The following LMCD1 variants were observed in gnomAD, a reference collection of about 807,000 sequenced individuals.
LMCD1 encodes LIM and cysteine-rich domains protein 1.
In LMCD1, 32 loss-of-function variants were observed where a neutral mutation model predicts 42.7. The ratio of observed to expected loss-of-function variants is 0.75; its 90% CI spans 0.57 to 1.01. The LOEUF is 1.01. Among genes scored for constraint, LMCD1 ranks in the 50% least tolerant of loss-of-function variants. The pLI is 0.00. For synonymous variants in LMCD1, 178 were observed against 184.9 expected (o/e 0.96, Z 0.30); for missense variants, 458 against 483.1 (o/e 0.95, Z 0.49).
At chr3:8,507,624 C>T (rs954438442) in intron 1 of LMCD1, among the ~76,000 whole-genome samples, 39 of 152,268 alleles carry the variant, frequency 2.6e-4, no homozygotes, top group African/African-American at 8.2e-4. Context: ...TCTAAGGGTC[C>T]GGAGATGATT....
rs1395346816 is a variant in LMCD1, at chr3:8,565,375, A to G, written c.724-57A>G. The G allele has an allele frequency of 3.4e-6, 5 of 1,491,784 alleles. No homozygotes were observed. The Admixed American group carries it at 6.7e-5, about 20-fold the overall frequency. The allele number at this position is 1,491,784 out of a possible 1,614,324, so 92.4% of individuals were successfully genotyped here. On this transcript the variant is annotated intron_variant, in intron 4 of 5. Coordinates refer to ENST00000157600, the MANE Select transcript of LMCD1 (RefSeq NM_014583.4). ...AAGGCTGGAGCTGGAATTCGAACCCATGTCACTGTGCTCTCCTGACTTCCT... is the reference window on the plus strand; with the variant it reads ...AAGGCTGGAGCTGGAATTCGAACCCGTGTCACTGTGCTCTCCTGACTTCCT...
chr3:8,550,529 C>A (rs1480422615), intron 4 of LMCD1: 13 of 985,078 alleles, frequency 1.3e-5, no homozygotes, highest in Non-Finnish European at 1.6e-5. Context: ...CAAGCCCCAT[C>A]TTATTAGCAC....
intron 3 of LMCD1, among the ~76,000 whole-genome samples, chr3:8,539,259 GA>G (rs1391900103): frequency 6.6e-6 from 1 of 152,088 alleles, no homozygotes; most frequent in Non-Finnish European, 1.5e-5. Context: ...AAGAGACTAA[GA>G]TTTTTTTCTT....
chr3:8,507,136 C>T (rs1396469515), intron 1 of LMCD1, among the ~76,000 whole-genome samples: 1 of 152,214 alleles, frequency 6.6e-6, no homozygotes, highest in Admixed American at 6.5e-5. Context: ...AGGACTCCTT[C>T]AAGAGCACAA....
At chr3:8,550,214 G>A (rs890028974) in intron 4 of LMCD1, 17 of 1,224,020 alleles carry the variant, frequency 1.4e-5, no homozygotes, top group Admixed American at 6.9e-5. Flanking sequence ...GCTGGACCAC[G>A]TGGGTCTAGC....
intron 1 of LMCD1, among the ~76,000 whole-genome samples, chr3:8,516,725 G>T (rs1694108417): frequency 6.6e-6 from 1 of 152,168 alleles, no homozygotes; most frequent in Non-Finnish European, 1.5e-5. Context: ...AAATTGCTTT[G>T]TTGGTTGATA....
intron 4 of LMCD1, among the ~76,000 whole-genome samples, chr3:8,558,123 A>G (rs965297159): frequency 6.6e-6 from 1 of 152,214 alleles, no homozygotes; most frequent in African/African-American, 2.4e-5. Flanking sequence ...GCATAGCATC[A>G]CTTCATCCAT....
intron 1 of LMCD1, among the ~76,000 whole-genome samples, chr3:8,525,159 T>C (rs35787518): frequency 0.43 from 65,705 of 152,060 alleles, 15,052 homozygotes; most frequent in Non-Finnish European, 0.52. Flanking sequence ...TCCTGCCTAA[T>C]TGAAACTTTG....
intron 1 of LMCD1, among the ~76,000 whole-genome samples, chr3:8,522,479 G>T (rs1176369300): frequency 6.6e-6 from 1 of 152,190 alleles, no homozygotes; most frequent in Admixed American, 6.5e-5. Flanking sequence ...GATTGGAACA[G>T]AGACTTCAGG....
At chr3:8,511,932 T>C (rs148545587) in intron 1 of LMCD1, among the ~76,000 whole-genome samples, 1,736 of 152,266 alleles carry the variant, frequency 0.011, 14 homozygotes, top group Non-Finnish European at 0.016. Flanking sequence ...GTTTGAATTT[T>C]TGCAGGAAGA....
chr3:8,541,764 C>T (rs1002341614), intron 3 of LMCD1, among the ~76,000 whole-genome samples: 1 of 152,142 alleles, frequency 6.6e-6, no homozygotes, highest in African/African-American at 2.4e-5. Flanking sequence ...AGTGCCAGGT[C>T]GTTGACTCCG....
chr3:8,548,376 T>TGTCACAATGGACAGAAAA (rs1194773323), intron 3 of LMCD1, among the ~76,000 whole-genome samples, 192 bp from the exon 4 acceptor site: 1 of 152,222 alleles, frequency 6.6e-6, no homozygotes, highest in Non-Finnish European at 1.5e-5. Context: ...ACAGTATTGC[T>TGTCACAATGGACAGAAAA]TTTGTAATTT....
At chr3:8,547,779 G>A (rs1004207028) in intron 3 of LMCD1, among the ~76,000 whole-genome samples, 6 of 151,890 alleles carry the variant, frequency 4.0e-5, no homozygotes, top group Non-Finnish European at 7.4e-5. Flanking sequence ...CCAGCTACTC[G>A]GGAGGCTGAG....
intron 1 of LMCD1, among the ~76,000 whole-genome samples, chr3:8,512,950 A>T (rs1694029331): frequency 6.6e-6 from 1 of 152,190 alleles, no homozygotes; most frequent in Non-Finnish European, 1.5e-5. Flanking sequence ...AAAGACTTTT[A>T]AAAACTGTGT....
In LMCD1 at chr3:8,527,320, T is replaced by C. The variant is rs78961902; in HGVS notation, c.43-5417T>C. Reference sequence around the variant, plus strand: ...TTCAAAGGAGCTCCAATGGAGACCATCTGGATGGGCAAGTTGCTTCTCCAC... The same window carrying C: ...TTCAAAGGAGCTCCAATGGAGACCACCTGGATGGGCAAGTTGCTTCTCCAC... On this transcript the variant is annotated intron_variant, in intron 1 of 5. Transcript: ENST00000157600. Among the ~76,000 whole-genome samples, 510 of 152,292 alleles carry C rather than the reference T, an allele frequency of 3.3e-3. 3 individuals carry two copies. Among genetic ancestry groups the C allele is most frequent in the Middle Eastern group, 0.01 (3 of 292 alleles).
rs761332410 is a variant in LMCD1 at position 8,537,303 on chromosome 3, C to G, written c.250C>G (p.Arg84Gly). Residue 84 changes from arginine (R) to glycine (G), a missense_variant, in exon 3 of 6, where the codon CGG becomes GGG. By Grantham distance (125) the Arg-to-Gly change is moderately radical. Coordinates refer to ENST00000157600, the MANE Select transcript of LMCD1 (RefSeq NM_014583.4). ...MDSKYSTLTA[R>G]VKGGDGIRIY... Reference sequence around the variant, plus strand: ...CTCCAAGTATTCCACCCTCACTGCTCGGGTGAAAGGCGGGGACGGCATCCG... The same window carrying G: ...CTCCAAGTATTCCACCCTCACTGCTGGGGTGAAAGGCGGGGACGGCATCCG... 2.5e-6 allele frequency: 4 copies of G among 1,614,076 alleles called. No individual in the cohort carries two copies. The highest frequency in any genetic ancestry group is 3.4e-6 in the Non-Finnish European group (4 of 1,180,024).
At position 8,537,363 on chromosome 3, in the gene LMCD1, C is replaced by G. The variant is rs1390827258; in HGVS notation, c.310C>G (p.Pro104Ala). Residue 104 changes from proline to alanine, a missense_variant, in exon 3 of 6, where the codon CCT becomes GCT. Physicochemically the swap from Pro to Ala is conservative, Grantham distance 27. Transcript: ENST00000157600. ...YKRNRMIMTN[P>A]IATGKDPTFD... ...GAGGAACCGGATGATCATGACCAAC[C>G]CTATTGCTACTGGGAAAGATCCCAC... 2.5e-6 allele frequency: 4 copies of G among 1,613,198 alleles called. No individual in the cohort carries two copies. Among genetic ancestry groups the G allele is most frequent in the East Asian group, 4.5e-5 (2 of 44,854 alleles).
rs181606326 is a variant in LMCD1, at chr3:8,545,181, A to C, written c.388-3387A>C. 3.6e-3 allele frequency among the ~76,000 whole-genome samples: 545 copies of C among 152,302 alleles called. 3 individuals carry two copies. Among genetic ancestry groups the C allele is most frequent in the Middle Eastern group, 0.01 (3 of 294 alleles). ...AAATACCTTATGTCCATAATGATTT[A>C]ATTATACTTTTCTAAGAAAAAGCGA... On this transcript the variant is annotated intron_variant, in intron 3 of 5. Coordinates refer to ENST00000157600, the MANE Select transcript of LMCD1 (RefSeq NM_014583.4).
At chr3:8,519,721 G>A (rs1210407099) in intron 1 of LMCD1, among the ~76,000 whole-genome samples, 3 of 148,880 alleles carry the variant, frequency 2.0e-5, no homozygotes. Context: ...TTTAGTGTTA[G>A]TTTTAAAAAC....
Sources: allele counts gnomAD v4.1 joint callset (sites outside exome capture counted in the v4.1 genomes callset), GRCh38; gene constraint gnomAD v4.1.1; transcripts MANE v1.5; gene names NCBI Gene and HGNC (gene_info 2026-07-23, HGNC 2026-07-21).